The following TOP1MT variants were observed in gnomAD, a reference collection of about 807,000 sequenced individuals.
TOP1MT encodes the protein DNA topoisomerase I, mitochondrial.
A neutral mutation model predicts 73.9 loss-of-function variants in TOP1MT; 80 were observed. That is an observed-to-expected ratio of 1.08 (90% CI 0.90 to 1.30). The LOEUF is 1.30. Ranked by LOEUF, TOP1MT falls within the 50% of genes most tolerant of loss-of-function variation. The pLI is 0.00. For synonymous variants in TOP1MT, 338 were observed against 326.4 expected, an observed-to-expected ratio of 1.04 and a Z score of -0.38; for missense variants, 815 against 808.0, an observed-to-expected ratio of 1.01 and a Z score of -0.10.
chr8:143,330,947 AG>A (rs140746863), intron 2 of TOP1MT, among the ~76,000 whole-genome samples: 4,858 of 59,888 alleles, frequency 0.081, 256 homozygotes, highest in African/African-American at 0.23. Flanking sequence ...GGGGGGAGGG[AG>A]GGGGGGTCCG....
Position 143,334,814 on chromosome 8 carries a change from G to T in TOP1MT, c.48C>A (p.Leu16=). 6.4e-7 allele frequency: 1 copy of T among 1,561,664 alleles called. No homozygotes were observed. The highest frequency in any genetic ancestry group is 8.6e-7 in the Non-Finnish European group (1 of 1,163,428). The change falls in exon 1 of 14, where the codon CTC becomes CTA. Residue 16 remains leucine, a synonymous_variant. Coordinates refer to ENST00000329245, the MANE Select transcript of TOP1MT (RefSeq NM_052963.3). ...AGGCCGGGCGGCGGGGGACCTCCCC[G>T]AGCAGCGTCAGAGCCGCCCGGAGCC... ...LLRLRAALTL[L]GEVPRRPASR...
chr8:143,347,688 GCAGCCAGCCAGCCAGCCAGC>G (rs36222627), upstream of TOP1MT, among the ~76,000 whole-genome samples: 150 of 150,078 alleles, frequency 1.0e-3, no homozygotes, highest in Middle Eastern at 3.4e-3. Context: ...CAGCAGGCAG[GCAGCCAGCCAGCCAGCCAGC>G]CAGCCAGCCA....
chr8:143,325,139 G>C (rs1409278684), intron 5 of TOP1MT, among the ~76,000 whole-genome samples: 2 of 152,240 alleles, frequency 1.3e-5, no homozygotes, highest in Non-Finnish European at 2.9e-5. Flanking sequence ...GCCATAGCAA[G>C]GCGAGGACTT....
At chr8:143,342,728 AGAGACAGAG>A (rs1817143946) in intron 2 of TOP1MT, among the ~76,000 whole-genome samples, 1 of 100,150 alleles carries the variant, frequency 1.0e-5, no homozygotes, top group Non-Finnish European at 2.3e-5. Flanking sequence ...TATTATTATT[AGAGACAGAG>A]TCTCGCTCTG....
chr8:143,345,236 C>T (rs1033782990), upstream of TOP1MT, among the ~76,000 whole-genome samples: 3 of 152,212 alleles, frequency 2.0e-5, no homozygotes, highest in African/African-American at 7.2e-5. Flanking sequence ...CTTACCCTCA[C>T]TGGGCAGAGC....
upstream of TOP1MT, among the ~76,000 whole-genome samples, chr8:143,358,174 T>C (rs1156890652): frequency 2.0e-5 from 3 of 152,240 alleles, no homozygotes; most frequent in Non-Finnish European, 4.4e-5. Context: ...TCTTCCCTGA[T>C]TTTTATGCTT....
intron 8 of TOP1MT, among the ~76,000 whole-genome samples, chr8:143,319,137 C>G (rs529175302): frequency 3.3e-5 from 5 of 152,158 alleles, no homozygotes; most frequent in African/African-American, 4.8e-5. Context: ...CCGATTAATT[C>G]ATTCCTTAGG....
At chr8:143,328,260 G>A (rs773175259) in intron 3 of TOP1MT, 6 of 456,064 alleles carry the variant, frequency 1.3e-5, no homozygotes, top group African/African-American at 4.0e-5. Context: ...TCACTGAGAA[G>A]TGAAAAGGCA....
upstream of TOP1MT, among the ~76,000 whole-genome samples, chr8:143,338,638 A>G (rs1407794687): frequency 6.6e-6 from 1 of 152,242 alleles, no homozygotes; most frequent in Non-Finnish European, 1.5e-5. Flanking sequence ...AAGATGAGAT[A>G]TAAAAGGCCA....
chr8:143,323,483 G>A (rs1309738480), intron 7 of TOP1MT, among the ~76,000 whole-genome samples: 5 of 89,964 alleles, frequency 5.6e-5, no homozygotes, highest in South Asian at 3.7e-4. Flanking sequence ...ACACACGCAC[G>A]CCACACACAT....
At chr8:143,334,468 G>C (rs1586774455) in intron 1 of TOP1MT, among the ~76,000 whole-genome samples, 4 of 151,936 alleles carry the variant, frequency 2.6e-5, no homozygotes, top group Admixed American at 2.6e-4. Flanking sequence ...CACAAATGAT[G>C]AAACCACAAG....
chr8:143,355,120 G>A (rs1408906444), intron 1 of TOP1MT, among the ~76,000 whole-genome samples: 1 of 152,210 alleles, frequency 6.6e-6, no homozygotes, highest in Non-Finnish European at 1.5e-5. Flanking sequence ...GGAGAGTGCG[G>A]AAGCGGCACA....
chr8:143,310,221 G>T lies in TOP1MT; in HGVS notation c.1554-4C>A, dbSNP rs371566681. 9 of 1,545,748 alleles carry T rather than the reference G, an allele frequency of 5.8e-6. No individual in the cohort carries two copies. In the African/African-American group the frequency reaches 1.2e-4, roughly 21 times the overall value. The stretch of plus-strand genomic sequence containing the variant: ...CCGCCTCTTCTTCTCCAGGACACTG[G>T]CAAGAGAAGAGGAGGCCGCGAGGCC... On this transcript the variant is annotated splice_region_variant and splice_polypyrimidine_tract_variant and intron_variant, in intron 12 of 13. Transcript: ENST00000329245.
At chr8:143,342,574 C>G (rs1347065018) in intron 2 of TOP1MT, among the ~76,000 whole-genome samples, 1 of 103,718 alleles carries the variant, frequency 9.6e-6, no homozygotes. Flanking sequence ...GAGTCTCGCT[C>G]TGTTATTATT....
intron 6 of TOP1MT, 67 bp from the exon 7 acceptor site, chr8:143,324,209 A>G: frequency 6.3e-7 from 1 of 1,584,860 alleles, no homozygotes; most frequent in East Asian, 2.2e-5. Flanking sequence ...GAGGCTGTCA[A>G]CTCTCCCTCC....
rs1175443696 is a variant in TOP1MT at position 143,344,180 on chromosome 8, G to C, written c.-39+736C>G. 6.6e-6 allele frequency: 1 copy of C among 152,212 alleles called. No homozygotes were observed. The highest frequency in any genetic ancestry group is 1.5e-5 in the Non-Finnish European group (1 of 68,058). The allele number at this position is 152,212 out of a possible 1,614,324, so 9.4% of individuals were successfully genotyped here. ...GCCCTCAAAGATGACACCAAGGTCT[G>C]TGCTTGAGAAGACAGAAGGAGCCGC... On this transcript the variant is annotated intron_variant, in intron 1 of 5. Coordinates refer to the TOP1MT transcript ENST00000518007. The surrounding 1 kb of genome is among the most constrained non-coding windows in gnomAD (Gnocchi z 4.6).
At chr8:143,332,556 C>A in intron 1 of TOP1MT, 1 of 1,289,382 alleles carries the variant, frequency 7.8e-7, no homozygotes, top group Non-Finnish European at 1.0e-6. Flanking sequence ...TGGGCCTGGT[C>A]GGCTGGGATG....
intron 1 of TOP1MT, among the ~76,000 whole-genome samples, chr8:143,354,863 G>GA (rs923480879): frequency 9.9e-5 from 15 of 151,184 alleles, no homozygotes; most frequent in Non-Finnish European, 8.8e-5. Flanking sequence ...TTAAGGACAG[G>GA]AAAAAAAAGG....
Position 143,324,036 on chromosome 8 carries a change from G to C in TOP1MT, c.923C>G (p.Thr308Arg), listed in dbSNP as rs369652527. The change falls in exon 7 of 14, where the codon ACG (threonine) becomes AGG (arginine). Residue 308 changes from threonine to arginine, a missense_variant. By Grantham distance (71) the Thr-to-Arg change is moderately conservative. Coordinates refer to ENST00000329245, the MANE Select transcript of TOP1MT (RefSeq NM_052963.3). ...RADWKSREMK[T>R]RQRAVALYFI... ...ATACAGGGCCACCGCCCGCTGTCTC[G>C]TCTTCATTTCCCGAGACTTCCAGTC... is the stretch of plus-strand genomic sequence containing the variant. 1 of 1,613,756 alleles carries C rather than the reference G, an allele frequency of 6.2e-7. No individual in the cohort carries two copies. Among genetic ancestry groups the C allele is most frequent in the Non-Finnish European group, 8.5e-7 (1 of 1,180,020 alleles).
Sources: allele counts gnomAD v4.1 joint callset (sites outside exome capture counted in the v4.1 genomes callset), GRCh38; gene constraint gnomAD v4.1.1; non-coding constraint Gnocchi (gnomAD v3.1); transcripts MANE v1.5; gene names NCBI Gene and HGNC (gene_info 2026-07-23, HGNC 2026-07-21).